CNTNAP4: variants seen among roughly 807,000 people sequenced by gnomAD.
CNTNAP4 encodes the protein contactin associated protein family member 4, also known as contactin-associated protein-like 4.
Under a neutral mutation model 148.4 loss-of-function variants are expected in CNTNAP4, and 98 were observed. The observed-to-expected ratio is 0.66, with a 90% CI of 0.56 to 0.78. The LOEUF (loss-of-function observed/expected upper bound fraction) is 0.78, where lower values mean the gene tolerates loss of function less well. Ranked by LOEUF, CNTNAP4 falls within the 30% of genes least tolerant of loss-of-function variation. The pLI is 0.00. For synonymous variants in CNTNAP4, 730 were observed against 565.1 expected (o/e 1.29, Z -4.14); for missense variants, 1,935 against 1,565.6 (o/e 1.24, Z -3.98).
chr16:76,325,190 G>A (rs1041639332), intron 2 of CNTNAP4, among the ~76,000 whole-genome samples: 2 of 152,072 alleles, frequency 1.3e-5, no homozygotes, highest in Non-Finnish European at 2.9e-5. Context: ...AATTGTTAAT[G>A]TATATCATTC....
intron 3 of CNTNAP4, among the ~76,000 whole-genome samples, chr16:76,356,061 G>C (rs143086088): frequency 0.021 from 3,189 of 151,760 alleles, 112 homozygotes; most frequent in African/African-American, 0.074. Flanking sequence ...TTTTAGTAGA[G>C]ACGGGCTTTC....
At chr16:76,493,092 T>A (rs1283736622) in intron 13 of CNTNAP4, among the ~76,000 whole-genome samples, 1 of 152,080 alleles carries the variant, frequency 6.6e-6, no homozygotes, top group Non-Finnish European at 1.5e-5. Context: ...ATTGGTGACC[T>A]CATGATTCGT....
At chr16:76,530,474 G>A (rs1185619349) in intron 17 of CNTNAP4, among the ~76,000 whole-genome samples, 1 of 152,040 alleles carries the variant, frequency 6.6e-6, no homozygotes, top group Non-Finnish European at 1.5e-5. Flanking sequence ...GGATGTCTGG[G>A]GACAAGAGAA....
At chr16:76,412,085 A>C (rs886960708) in intron 3 of CNTNAP4, among the ~76,000 whole-genome samples, 4 of 151,490 alleles carry the variant, frequency 2.6e-5, no homozygotes, top group Non-Finnish European at 4.4e-5. Context: ...TCCTTGGGTT[A>C]ACATCATGCT....
intron 17 of CNTNAP4, among the ~76,000 whole-genome samples, chr16:76,532,752 A>T (rs1225963825): frequency 6.6e-6 from 1 of 152,176 alleles, no homozygotes; most frequent in East Asian, 1.9e-4. Flanking sequence ...GGGAAGAAAT[A>T]TCCAACAAGG....
At chr16:76,457,292 A>T (rs2080772487) in intron 8 of CNTNAP4, among the ~76,000 whole-genome samples, 1 of 152,194 alleles carries the variant, frequency 6.6e-6, no homozygotes, top group Non-Finnish European at 1.5e-5. Flanking sequence ...TTAAAGGGAC[A>T]TTTTGTGATT....
intron 1 of CNTNAP4, among the ~76,000 whole-genome samples, chr16:76,302,324 G>T (rs1004214345): frequency 1.3e-5 from 2 of 152,148 alleles, no homozygotes; most frequent in African/African-American, 4.8e-5. Context: ...TCAATCCTAT[G>T]ATCTCATCTA....
chr16:76,304,924 A>T (rs1403270533), intron 1 of CNTNAP4, among the ~76,000 whole-genome samples: 1 of 152,190 alleles, frequency 6.6e-6, no homozygotes, highest in Non-Finnish European at 1.5e-5. Context: ...ATCCATCCAA[A>T]TTGTACATCA....
chr16:76,479,689 A>C (rs1275031259), intron 12 of CNTNAP4, among the ~76,000 whole-genome samples, 151 bp downstream of exon 12: 2 of 152,176 alleles, frequency 1.3e-5, no homozygotes, highest in African/African-American at 4.8e-5. Flanking sequence ...AATCTTAAAA[A>C]AATAATTAAA....
chr16:76,364,369 C>CA (rs1193813623), intron 3 of CNTNAP4, among the ~76,000 whole-genome samples: 40 of 150,846 alleles, frequency 2.7e-4, no homozygotes, highest in African/African-American at 9.3e-4. Flanking sequence ...TGTAAGCAAG[C>CA]AAAAAATTTA....
At chr16:76,542,843 C>G (rs75758627) in intron 21 of CNTNAP4, among the ~76,000 whole-genome samples, 2,848 of 152,224 alleles carry the variant, frequency 0.019, 88 homozygotes, top group African/African-American at 0.065. Context: ...TAAGCTGATA[C>G]TATGTCAAGA....
At chr16:76,384,657 G>C (rs9925312) in intron 3 of CNTNAP4, among the ~76,000 whole-genome samples, 63,849 of 151,974 alleles carry the variant, frequency 0.42, 13,730 homozygotes, top group Admixed American at 0.46. Flanking sequence ...CTCAGGAACA[G>C]TCATGGTAGG....
At chr16:76,392,247 G>A (rs991568259) in intron 3 of CNTNAP4, among the ~76,000 whole-genome samples, 13 of 152,134 alleles carry the variant, frequency 8.5e-5, no homozygotes, top group African/African-American at 3.1e-4. Flanking sequence ...GCCTGCCTTG[G>A]CCTCCCAAAC....
intron 2 of CNTNAP4, among the ~76,000 whole-genome samples, chr16:76,319,541 G>A (rs367879472): frequency 6.6e-6 from 1 of 152,062 alleles, no homozygotes; most frequent in African/African-American, 2.4e-5. Flanking sequence ...ACCGATGAAG[G>A]TGACCTTATT....
intron 1 of CNTNAP4, among the ~76,000 whole-genome samples, chr16:76,281,452 C>T (rs2143740029): frequency 6.6e-6 from 1 of 152,164 alleles, no homozygotes; most frequent in South Asian, 2.1e-4. Context: ...CTGATAAAGG[C>T]AGCCTCTAGC....
intron 2 of CNTNAP4, among the ~76,000 whole-genome samples, chr16:76,354,442 G>A (rs2012293503): frequency 6.6e-6 from 1 of 152,252 alleles, no homozygotes; most frequent in East Asian, 1.9e-4. Flanking sequence ...ATCAAGCACA[G>A]CTTGCTCTAT....
chr16:76,410,107 A>T (rs375751690), intron 3 of CNTNAP4, among the ~76,000 whole-genome samples: 1 of 151,252 alleles, frequency 6.6e-6, no homozygotes, highest in Non-Finnish European at 1.5e-5. Flanking sequence ...TTGTCTTATT[A>T]TTTTTTTTCC....
At chr16:76,338,621 T>A (rs1964212438) in intron 2 of CNTNAP4, among the ~76,000 whole-genome samples, 1 of 152,146 alleles carries the variant, frequency 6.6e-6, no homozygotes, top group Admixed American at 6.6e-5. Context: ...CCTCTTGTAA[T>A]CTGCATCACC....
chr16:76,367,460 T>C (rs1446333692), intron 3 of CNTNAP4, among the ~76,000 whole-genome samples: 1 of 151,988 alleles, frequency 6.6e-6, no homozygotes, highest in Non-Finnish European at 1.5e-5. Context: ...ATATAACATA[T>C]ATAACATAAA....
Sources: allele counts gnomAD v4.1 joint callset (sites outside exome capture counted in the v4.1 genomes callset), GRCh38; gene constraint gnomAD v4.1.1; transcripts MANE v1.5; gene names NCBI Gene and HGNC (gene_info 2026-07-23, HGNC 2026-07-21).